ERGIC2: variants seen among roughly 807,000 people sequenced by gnomAD.
ERGIC2 encodes ERGIC and golgi 2.
A neutral mutation model predicts 52.5 loss-of-function variants in ERGIC2; 31 were observed. The observed-to-expected ratio is 0.59, with a 90% CI of 0.44 to 0.80. The LOEUF is 0.80. Among genes scored for constraint, ERGIC2 ranks in the 30% least tolerant of loss-of-function variants. The pLI is 0.00. For synonymous variants in ERGIC2, 129 were observed against 140.6 expected, an observed-to-expected ratio of 0.92 and a Z score of 0.58; for missense variants, 395 against 455.2, an observed-to-expected ratio of 0.87 and a Z score of 1.20.
intron 1 of ERGIC2, among the ~76,000 whole-genome samples, chr12:29,374,292 G>C (rs551467988): frequency 1.6e-4 from 25 of 152,078 alleles, no homozygotes; most frequent in South Asian, 4.2e-4. Flanking sequence ...TTTTCTTCTC[G>C]AAACATTCTC....
intron 7 of ERGIC2, 126 bp from the exon 8 acceptor site, chr12:29,356,603 A>G (rs1248665613): frequency 1.9e-6 from 1 of 519,042 alleles, no homozygotes; most frequent in Non-Finnish European, 3.4e-6. Context: ...AATGTTAAAA[A>G]TAGAATAGTT....
In ERGIC2 at chr12:29,366,897, C is replaced by T; in HGVS notation, c.313G>A (p.Asp105Asn). The T allele has an allele frequency of 6.2e-7, 1 of 1,603,600 alleles. No individual in the cohort carries two copies. The highest frequency in any genetic ancestry group is 1.7e-5 in the Admixed American group (1 of 59,038). The change falls in exon 5 of 14, where the codon GAT (aspartate) becomes AAT (asparagine). Residue 105 changes from aspartate to asparagine, a missense_variant. Coordinates refer to ENST00000360150, the MANE Select transcript of ERGIC2 (RefSeq NM_016570.3). ...DLAETMVASA[D>N]GLVYEPTVFD... ...CTTACTGGTTCATAAACTAAACCAT[C>T]TGCAGATGCAACCATTGTTTCTGCT...
intron 5 of ERGIC2, 44 bp from the exon 6 acceptor site, chr12:29,361,729 T>C: frequency 6.6e-7 from 1 of 1,516,098 alleles, no homozygotes; most frequent in Non-Finnish European, 8.9e-7. Flanking sequence ...TCAAATTCTC[T>C]TGGCTTTTAC....
chr12:29,344,368 C>T (rs1014646041), intron 11 of ERGIC2, among the ~76,000 whole-genome samples: 4 of 152,190 alleles, frequency 2.6e-5, no homozygotes, highest in Non-Finnish European at 5.9e-5. Context: ...CTTTGCATCC[C>T]CATAGCACTG....
At chr12:29,349,669 T>C (rs545322006) in intron 9 of ERGIC2, among the ~76,000 whole-genome samples, 19 of 152,194 alleles carry the variant, frequency 1.2e-4, no homozygotes, top group Middle Eastern at 3.4e-3. Context: ...AAGACAATCA[T>C]GATACCAAAC....
chr12:29,356,842 T>C (rs1034093121), intron 7 of ERGIC2, among the ~76,000 whole-genome samples: 3 of 152,038 alleles, frequency 2.0e-5, no homozygotes, highest in African/African-American at 4.8e-5. Context: ...AGAAACATGA[T>C]TGAGGTAAAG....
chr12:29,341,785 A>G lies in ERGIC2; in HGVS notation c.1020T>C (p.Val340=). ...GMLHGIGKFI[V]EIICCRFRLG... is the part of the protein sequence containing the mutation. ...GTCTGAAACGACAGCAAATTATTTC[A>G]ACTATAAATTTTCCAATTCCATGTA... The change falls in exon 13 of 14, where the codon GTT becomes GTC. Residue 340 remains valine (V), a synonymous_variant. Coordinates refer to ENST00000360150, the MANE Select transcript of ERGIC2 (RefSeq NM_016570.3). The G allele has an allele frequency of 6.2e-7, 1 of 1,600,400 alleles. No homozygotes were observed. Among genetic ancestry groups the G allele is most frequent in the Non-Finnish European group, 8.6e-7 (1 of 1,167,626 alleles).
At chr12:29,359,795 A>G (rs1043203681) in intron 6 of ERGIC2, among the ~76,000 whole-genome samples, 2 of 152,050 alleles carry the variant, frequency 1.3e-5, no homozygotes, top group African/African-American at 4.8e-5. Flanking sequence ...AATTTTTTGG[A>G]ATAATCTTAA....
chr12:29,343,891 G>A (rs1330223977), intron 11 of ERGIC2, among the ~76,000 whole-genome samples: 1 of 152,008 alleles, frequency 6.6e-6, no homozygotes, highest in East Asian at 1.9e-4. Flanking sequence ...TGGGTTCCAG[G>A]ACTAATGAAT....
In ERGIC2 at chr12:29,343,285, A is replaced by G. The variant is rs1448627877; in HGVS notation, c.826-3T>C. The G allele has an allele frequency of 6.3e-7, 1 of 1,577,102 alleles. No homozygotes were observed. Among genetic ancestry groups the G allele is most frequent in the Non-Finnish European group, 8.6e-7 (1 of 1,159,796 alleles). ...GCAGCATGGTTAATGATACGTTCCT[A>G]AAAGGGAGGCAAAAGGAAGGGGAGA... is the stretch of plus-strand genomic sequence containing the variant. On this transcript the variant is annotated splice_polypyrimidine_tract_variant and splice_region_variant and intron_variant, in intron 11 of 13. Coordinates refer to ENST00000360150, the MANE Select transcript of ERGIC2 (RefSeq NM_016570.3).
At chr12:29,348,795 G>A (rs1219244919) in intron 10 of ERGIC2, among the ~76,000 whole-genome samples, 2 of 151,820 alleles carry the variant, frequency 1.3e-5, no homozygotes, top group Non-Finnish European at 3.0e-5. Context: ...CCCTGTTAAT[G>A]TATTAACCTT....
At chr12:29,342,039 G>A (rs1259677590) in intron 12 of ERGIC2, among the ~76,000 whole-genome samples, 1 of 150,932 alleles carries the variant, frequency 6.6e-6, no homozygotes, top group Non-Finnish European at 1.5e-5. Flanking sequence ...TTTTTGAGAC[G>A]TCTCACTCTG....
chr12:29,349,813 C>G (rs1940106990), intron 9 of ERGIC2, among the ~76,000 whole-genome samples, 200 bp downstream of exon 9: 1 of 152,036 alleles, frequency 6.6e-6, no homozygotes, highest in Non-Finnish European at 1.5e-5. Context: ...GTACACTAGG[C>G]TTTCCTCCCT....
intron 13 of ERGIC2, 145 bp from the exon 14 acceptor site, chr12:29,341,363 A>G (rs1001020004): frequency 5.9e-6 from 4 of 679,522 alleles, no homozygotes; most frequent in African/African-American, 3.7e-5. Flanking sequence ...CTATTTCTCT[A>G]TCTCTCTATC....
At chr12:29,343,766 T>G (rs1949856923) in intron 11 of ERGIC2, among the ~76,000 whole-genome samples, 1 of 152,168 alleles carries the variant, frequency 6.6e-6, no homozygotes, top group Admixed American at 6.5e-5. Flanking sequence ...ATCTTAAAGC[T>G]CTAAAATGCT....
rs759548259 is a variant in ERGIC2, at chr12:29,349,153, T to C, written c.653A>G (p.Asp218Gly). 1.3e-6 allele frequency: 2 copies of C among 1,571,940 alleles called. No homozygotes were observed. The highest frequency in any genetic ancestry group is 1.2e-5 in the South Asian group (1 of 84,624). The change falls in exon 10 of 14, where the codon GAT becomes GGT. Residue 218 changes from aspartate to glycine, a missense_variant. Transcript: ENST00000360150. The stretch of plus-strand genomic sequence containing the variant: ...AACAAGCTCTCCAAAAGACAAATGA[T>C]CTATTCTATGAGAAAAATTGTAAGC... ...HESYNFSHRI[D>G]HLSFGELVPA...
chr12:29,353,409 A>G (rs1229754172), intron 8 of ERGIC2, among the ~76,000 whole-genome samples: 1 of 152,212 alleles, frequency 6.6e-6, no homozygotes, highest in Non-Finnish European at 1.5e-5. Context: ...CCAAATTACA[A>G]TACTACACGT....
At chr12:29,359,246 G>A (rs571602826) in intron 6 of ERGIC2, among the ~76,000 whole-genome samples, 1 of 151,754 alleles carries the variant, frequency 6.6e-6, no homozygotes, top group East Asian at 1.9e-4. Context: ...TTGAATCTTT[G>A]ACATTGAATC....
At chr12:29,351,448 C>A (rs542085147) in intron 8 of ERGIC2, among the ~76,000 whole-genome samples, 2 of 152,096 alleles carry the variant, frequency 1.3e-5, no homozygotes, top group East Asian at 3.8e-4. Context: ...TGAAAGCAGG[C>A]GATTCATAGA....
Sources: allele counts gnomAD v4.1 joint callset (sites outside exome capture counted in the v4.1 genomes callset), GRCh38; gene constraint gnomAD v4.1.1; transcripts MANE v1.5; gene names NCBI Gene and HGNC (gene_info 2026-07-23, HGNC 2026-07-21).